PDSS2: variants seen among roughly 807,000 people sequenced by gnomAD.
PDSS2 encodes the protein decaprenyl diphosphate synthase subunit 2, also known as all trans-polyprenyl-diphosphate synthase PDSS2.
In PDSS2, 31 loss-of-function variants were observed where a neutral mutation model predicts 44.5. The observed-to-expected ratio is 0.70, with a 90% CI of 0.52 to 0.94. The LOEUF (loss-of-function observed/expected upper bound fraction) is 0.94. Ranked by LOEUF, PDSS2 falls within the 40% of genes least tolerant of loss-of-function variation. The probability of loss-of-function intolerance (pLI) is 0.00; values close to 1 mark genes in which losing one functional copy is unlikely to be tolerated. For missense variants in PDSS2, 452 were observed against 482.2 expected, an observed-to-expected ratio of 0.94 and a Z score of 0.59; for synonymous variants, 157 against 180.3, an observed-to-expected ratio of 0.87 and a Z score of 1.03.
chr6:107,433,549 GA>G (rs889034991), intron 1 of PDSS2, among the ~76,000 whole-genome samples: 1 of 152,310 alleles, frequency 6.6e-6, no homozygotes, highest in African/African-American at 2.4e-5. Flanking sequence ...GTAGTGCTGG[GA>G]AAACTGGATA....
chr6:107,248,839 C>T (rs1369224652), intron 3 of PDSS2, among the ~76,000 whole-genome samples: 2 of 152,246 alleles, frequency 1.3e-5, no homozygotes, highest in Admixed American at 6.5e-5. Flanking sequence ...GTTGTCTTCA[C>T]ATGAACCTTT....
chr6:107,240,329 A>G (rs2114778569), intron 4 of PDSS2, among the ~76,000 whole-genome samples: 1 of 151,038 alleles, frequency 6.6e-6, no homozygotes, highest in African/African-American at 2.4e-5. Context: ...TGAGCCCAGG[A>G]GTTCAAGGTT....
chr6:107,433,040 T>A (rs1781240889), intron 1 of PDSS2, among the ~76,000 whole-genome samples: 1 of 152,216 alleles, frequency 6.6e-6, no homozygotes, highest in Non-Finnish European at 1.5e-5. Flanking sequence ...CTTTCTGTTC[T>A]GACTTATTTC....
chr6:107,292,200 A>G (rs980054825), intron 2 of PDSS2, among the ~76,000 whole-genome samples: 1 of 151,638 alleles, frequency 6.6e-6, no homozygotes, highest in African/African-American at 2.4e-5. Flanking sequence ...ATAAAGACAA[A>G]AATCTTTTAA....
chr6:107,263,106 TTTTA>T (rs1562417967), intron 3 of PDSS2, among the ~76,000 whole-genome samples: 1 of 152,172 alleles, frequency 6.6e-6, no homozygotes, highest in Non-Finnish European at 1.5e-5. Flanking sequence ...TGTTTTCCTA[TTTTA>T]TTTATTTGCA....
At chr6:107,160,047 C>T (rs1771066241) in intron 7 of PDSS2, among the ~76,000 whole-genome samples, 1 of 152,010 alleles carries the variant, frequency 6.6e-6, no homozygotes, top group African/African-American at 2.4e-5. Context: ...AAAACTCCAT[C>T]TCTACTAAAA....
chr6:107,288,452 C>T (rs1776228038), intron 2 of PDSS2, among the ~76,000 whole-genome samples: 1 of 152,066 alleles, frequency 6.6e-6, no homozygotes, highest in South Asian at 2.1e-4. Flanking sequence ...AAAGGAAAAA[C>T]AATGAGAAGG....
chr6:107,203,637 T>C (rs75348563), intron 6 of PDSS2, among the ~76,000 whole-genome samples: 2,794 of 152,302 alleles, frequency 0.018, 81 homozygotes, highest in African/African-American at 0.064. Flanking sequence ...CCCAAAGTCT[T>C]TTAAAAATTT....
intron 1 of PDSS2, among the ~76,000 whole-genome samples, chr6:107,400,800 C>T (rs764315509): frequency 6.6e-6 from 1 of 152,180 alleles, no homozygotes; most frequent in Non-Finnish European, 1.5e-5. Context: ...CATTGGAGGG[C>T]CTGAGCACAG....
intron 7 of PDSS2, among the ~76,000 whole-genome samples, chr6:107,192,138 C>G (rs926277768): frequency 6.6e-6 from 1 of 152,188 alleles, no homozygotes; most frequent in Non-Finnish European, 1.5e-5. Context: ...GGCTCTCATG[C>G]CTGTGGGAGA....
chr6:107,212,078 A>G (rs1410732989), intron 5 of PDSS2, 31 bp downstream of exon 5: 9 of 1,582,410 alleles, frequency 5.7e-6, no homozygotes, highest in Non-Finnish European at 7.8e-6. Flanking sequence ...CTATTTAAGT[A>G]CTGAAAAAAG....
chr6:107,458,697 C>T (rs916930279), intron 1 of PDSS2, among the ~76,000 whole-genome samples: 3 of 151,822 alleles, frequency 2.0e-5, no homozygotes, highest in Non-Finnish European at 2.9e-5. Context: ...CCTACATCTC[C>T]GCTCGATTTC....
chr6:107,227,066 G>T (rs1015168121), intron 4 of PDSS2, among the ~76,000 whole-genome samples: 3 of 150,946 alleles, frequency 2.0e-5, no homozygotes, highest in African/African-American at 7.3e-5. Context: ...TGCAATCTCC[G>T]CCTCCTGGGT....
intron 6 of PDSS2, 111 bp downstream of exon 6, chr6:107,210,328 G>T (rs939300822): frequency 1.2e-6 from 1 of 802,682 alleles, no homozygotes. Flanking sequence ...TACCTGTTAC[G>T]TGAATATGCC....
chr6:107,388,962 G>A (rs1040425480), intron 1 of PDSS2, among the ~76,000 whole-genome samples: 1 of 152,136 alleles, frequency 6.6e-6, no homozygotes, highest in Non-Finnish European at 1.5e-5. Flanking sequence ...AGATCTGACA[G>A]ATTACATACT....
intron 2 of PDSS2, among the ~76,000 whole-genome samples, chr6:107,300,064 T>TA (rs1331308361): frequency 1.3e-5 from 2 of 151,936 alleles, no homozygotes; most frequent in Non-Finnish European, 2.9e-5. Context: ...CCATGAAGTC[T>TA]CGGCCCAAAA....
At chr6:107,417,105 A>C (rs1292070327) in intron 1 of PDSS2, among the ~76,000 whole-genome samples, 2 of 152,112 alleles carry the variant, frequency 1.3e-5, no homozygotes, top group Non-Finnish European at 2.9e-5. Context: ...TTAAAGAAGC[A>C]CTTACAGCAT....
chr6:107,373,815 G>A lies in PDSS2; in HGVS notation c.297-39483C>T, dbSNP rs559795395. Reference sequence around the variant, plus strand: ...CTGCTTTTTCTCACTCTGGATTATAGATGAAGTACAACAGAGGTTCTAGCA... The same window carrying A: ...CTGCTTTTTCTCACTCTGGATTATAAATGAAGTACAACAGAGGTTCTAGCA... On this transcript the variant is annotated intron_variant, in intron 1 of 7. Coordinates refer to ENST00000369037, the MANE Select transcript of PDSS2 (RefSeq NM_020381.4). Among the ~76,000 whole-genome samples the A allele has an allele frequency of 2.4e-4, 36 of 152,278 alleles. No individual in the cohort carries two copies. The East Asian group carries it at 3.1e-3, about 13-fold the overall frequency.
At chr6:107,218,095 C>T (rs1773475245) in intron 4 of PDSS2, among the ~76,000 whole-genome samples, 1 of 152,198 alleles carries the variant, frequency 6.6e-6, no homozygotes, top group Non-Finnish European at 1.5e-5. Flanking sequence ...AAACCTCCAA[C>T]CTTCTCTCTG....
Sources: gnomAD v4.1 joint callset for allele counts (sites outside exome capture counted in the v4.1 genomes callset) on GRCh38, gnomAD v4.1.1 for gene constraint, MANE v1.5 for transcripts, NCBI Gene and HGNC (gene_info 2026-07-23, HGNC 2026-07-21) for gene names.